Variants in SLC30A6 observed in about 807,000 individuals in gnomAD.
SLC30A6 encodes solute carrier family 30 member 6, also known as zinc transporter 6.
Under a neutral mutation model 63.0 loss-of-function variants are expected in SLC30A6, and 55 were observed. The observed-to-expected ratio is 0.87, with a 90% CI of 0.70 to 1.09. The LOEUF is 1.09. SLC30A6 is among the 50% of genes least tolerant of loss of function. The pLI is 0.00. For synonymous variants in SLC30A6, 224 were observed against 186.1 expected, an observed-to-expected ratio of 1.20 and a Z score of -1.66; for missense variants, 587 against 549.2, an observed-to-expected ratio of 1.07 and a Z score of -0.69.
rs1686101277 is a variant in SLC30A6, at chr2:32,220,829, C to G, written c.*116C>G. ...ACTCTAAATGTTAGATAATAGTAGT[C>G]TTGTTCACATTTCATGAAACCTATG... On this transcript the variant is annotated 3_prime_UTR_variant, in exon 14 of 14. Coordinates refer to ENST00000282587, the MANE Select transcript of SLC30A6 (RefSeq NM_017964.5). 2.5e-5 allele frequency: 23 copies of G among 930,650 alleles called. No homozygotes were observed. In the South Asian group the frequency reaches 4.0e-4, roughly 16 times the overall value. The allele number at this position is 930,650 out of a possible 1,614,324, so 57.6% of individuals were successfully genotyped here.
chr2:32,194,274 AATCT>A (rs1378582685), intron 8 of SLC30A6, among the ~76,000 whole-genome samples: 1 of 152,228 alleles, frequency 6.6e-6, no homozygotes, highest in East Asian at 1.9e-4. Flanking sequence ...CTAAATGTGT[AATCT>A]ATCTAAGAAA....
At chr2:32,215,078 A>G (rs1315702559) in intron 13 of SLC30A6, among the ~76,000 whole-genome samples, 3 of 152,232 alleles carry the variant, frequency 2.0e-5, no homozygotes, top group Admixed American at 2.0e-4. Flanking sequence ...CAGTGTTACT[A>G]AACAATTTGG....
intron 4 of SLC30A6, among the ~76,000 whole-genome samples, chr2:32,182,814 G>C (rs1682446503): frequency 6.6e-6 from 1 of 152,172 alleles, no homozygotes; most frequent in African/African-American, 2.4e-5. Flanking sequence ...GCAGCATTTT[G>C]ACGCAGCTTA....
chr2:32,181,504 T>C (rs1191876519), intron 4 of SLC30A6, among the ~76,000 whole-genome samples: 1 of 152,176 alleles, frequency 6.6e-6, no homozygotes, highest in African/African-American at 2.4e-5. Flanking sequence ...ACTGAATTTT[T>C]CAGATTTCTT....
chr2:32,195,585 G>A (rs1243376626), intron 8 of SLC30A6, among the ~76,000 whole-genome samples: 1 of 151,404 alleles, frequency 6.6e-6, no homozygotes, highest in East Asian at 1.9e-4. Flanking sequence ...AATTCCCCGA[G>A]AAGGAATTAT....
At chr2:32,167,124 G>T (rs1023619001) in intron 1 of SLC30A6, among the ~76,000 whole-genome samples, 2 of 152,132 alleles carry the variant, frequency 1.3e-5, no homozygotes, top group South Asian at 2.1e-4. Context: ...TGCCCAGGCT[G>T]GAGTGCAATG....
At chr2:32,189,454 A>AT (rs570736043) in intron 5 of SLC30A6, among the ~76,000 whole-genome samples, 242 of 150,436 alleles carry the variant, frequency 1.6e-3, no homozygotes, top group Middle Eastern at 0.01. Context: ...AACATGCCTA[A>AT]TTTTTTTTAT....
chr2:32,216,534 AAAATAAATAAATAAATAAATAAAT>A (rs199888607), intron 13 of SLC30A6, among the ~76,000 whole-genome samples: 3 of 133,056 alleles, frequency 2.3e-5, no homozygotes, highest in African/African-American at 5.6e-5. Context: ...AGACTCTCTC[AAAATAAATAAATAAATAAATAAAT>A]AAATAAATAA....
intron 4 of SLC30A6, among the ~76,000 whole-genome samples, chr2:32,178,632 C>T (rs572343237): frequency 1.3e-5 from 2 of 152,264 alleles, no homozygotes; most frequent in South Asian, 2.1e-4. Flanking sequence ...GAGCCGGAAT[C>T]GCACCATTGC....
chr2:32,169,606 G>A (rs553025447), intron 1 of SLC30A6, among the ~76,000 whole-genome samples: 4 of 152,310 alleles, frequency 2.6e-5, no homozygotes, highest in South Asian at 4.1e-4. Context: ...GTGAAACCCC[G>A]TCTCTACTAA....
chr2:32,187,145 C>A, intron 5 of SLC30A6: 3 of 468,852 alleles, frequency 6.4e-6, no homozygotes, highest in Non-Finnish European at 1.3e-5. Context: ...ATTTTTTTGC[C>A]TCCCAGGCCT....
chr2:32,174,269 A>C (rs1167265582), intron 3 of SLC30A6, 122 bp downstream of exon 3: 9 of 580,926 alleles, frequency 1.5e-5, no homozygotes, highest in Non-Finnish European at 2.5e-5. Flanking sequence ...AATGATTTAA[A>C]TAAGGGACTA....
rs1684315572 is a variant in SLC30A6, at chr2:32,201,780, A to G, written c.666-2810A>G. The G allele has an allele frequency of 2.9e-6, 4 of 1,359,778 alleles. No homozygotes were observed. In the East Asian group the frequency reaches 9.2e-5, roughly 31 times the overall value. 84.2% of individuals were successfully genotyped at this position (1,359,778 alleles called of 1,614,324 possible). On this transcript the variant is annotated intron_variant, in intron 10 of 13. Transcript: ENST00000282587. ...AAGATTTAAACAAGATAAGCTGAAAATACATTACACAGTGCTGGAGTGACA... is the reference window on the plus strand; with the variant it reads ...AAGATTTAAACAAGATAAGCTGAAAGTACATTACACAGTGCTGGAGTGACA...
At chr2:32,214,973 A>G (rs571122623) in intron 13 of SLC30A6, among the ~76,000 whole-genome samples, 1 of 152,318 alleles carries the variant, frequency 6.6e-6, no homozygotes, top group Admixed American at 6.5e-5. Context: ...TGGAAGTCAA[A>G]TTCAAGGAAT....
rs950293967 is a variant in SLC30A6 at position 32,213,801 on chromosome 2, T to G, written c.885+4240T>G. On this transcript the variant is annotated intron_variant, in intron 13 of 13. Transcript: ENST00000282587. ...ATTAACAGGTCTAGGATAAACTTTT[T>G]TTTTTTTTTGTTTTTGTTTTGAGAC... 1.9e-4 allele frequency among the ~76,000 whole-genome samples: 23 copies of G among 123,646 alleles called. 1 individual carries two copies. The highest frequency in any genetic ancestry group is 6.8e-4 in the African/African-American group (21 of 30,742). The allele number at this position is 123,646 out of a possible 152,430, so 81.1% of individuals were successfully genotyped here.
Position 32,175,315 on chromosome 2 carries a change from G to T in SLC30A6, c.176-4G>T. The T allele has an allele frequency of 1.2e-6, 2 of 1,607,956 alleles. No individual in the cohort carries two copies. Among genetic ancestry groups the T allele is most frequent in the African/African-American group, 1.3e-5 (1 of 74,482 alleles). ...CTTTTAATCATTTTTTTGTTGTTTT[G>T]CAGCTTTAACTGCCTATACTTACCT... is the stretch of plus-strand genomic sequence containing the variant. On this transcript the variant is annotated splice_polypyrimidine_tract_variant and splice_region_variant and intron_variant, in intron 3 of 13. Coordinates refer to ENST00000282587, the MANE Select transcript of SLC30A6 (RefSeq NM_017964.5).
chr2:32,214,212 G>A (rs72863977), intron 13 of SLC30A6, among the ~76,000 whole-genome samples: 18,836 of 152,070 alleles, frequency 0.12, 1,268 homozygotes, highest in Middle Eastern at 0.21. Flanking sequence ...TGGGATTATA[G>A]GAATGAGGCA....
intron 1 of SLC30A6, among the ~76,000 whole-genome samples, chr2:32,166,233 A>C (rs1000687669): frequency 6.6e-6 from 1 of 152,246 alleles, no homozygotes; most frequent in African/African-American, 2.4e-5. Flanking sequence ...GCCACCAACA[A>C]AAGATCTGAA....
At chr2:32,205,659 C>CTTTTTTTTTTTTTTTTTTTTTTTTTTTT (rs1478767845) in intron 11 of SLC30A6, among the ~76,000 whole-genome samples, 1 of 97,702 alleles carries the variant, frequency 1.0e-5, no homozygotes, top group African/African-American at 3.9e-5. Flanking sequence ...AAGAATGTTA[C>CTTTTTTTTTTTTTTTTTTTTTTTTTTTT]TTCTTTTTTT....
Sources: gnomAD v4.1 joint callset for allele counts (sites outside exome capture counted in the v4.1 genomes callset) on GRCh38, gnomAD v4.1.1 for gene constraint, MANE v1.5 for transcripts, NCBI Gene and HGNC (gene_info 2026-07-23, HGNC 2026-07-21) for gene names.